Variants in CNTRL observed in about 807,000 individuals in gnomAD.
The protein encoded by CNTRL is centriolin, also known as 110 kDa centrosomal protein.
Under a neutral mutation model 303.7 loss-of-function variants are expected in CNTRL, and 233 were observed. That is an observed-to-expected ratio of 0.77 (90% confidence interval 0.69 to 0.86). CNTRL has a LOEUF of 0.86. Among genes scored for constraint, CNTRL ranks in the 40% least tolerant of loss-of-function variants. The probability of loss-of-function intolerance (pLI) is 0.00; values close to 1 mark genes in which losing one functional copy is unlikely to be tolerated. For synonymous variants in CNTRL, 900 were observed against 922.2 expected, an observed-to-expected ratio of 0.98 and a Z score of 0.44; for missense variants, 2,524 against 2,650.6, an observed-to-expected ratio of 0.95 and a Z score of 1.05.
In CNTRL at chr9:121,171,465, G is replaced by T. The variant is rs745533965; in HGVS notation, c.6334G>T (p.Ala2112Ser). 1.2e-6 allele frequency: 2 copies of T among 1,614,110 alleles called. No individual in the cohort carries two copies. The highest frequency in any genetic ancestry group is 8.5e-7 in the Non-Finnish European group (1 of 1,179,978). The change falls in exon 40 of 44, where the codon GCC becomes TCC. Residue 2112 changes from alanine (A) to serine (S), a missense_variant. Physicochemically the swap from Ala to Ser is moderately conservative, Grantham distance 99. Transcript: ENST00000373855. The part of the protein sequence containing the change: ...QKEMATIELV[A>S]QDNHERARRL... ...GGAAATGGCAACAATTGAACTGGTA[G>T]CCCAGGACAACCATGAGCGGGCCAG... is the stretch of plus-strand genomic sequence containing the variant.
chr9:121,168,322 G>C lies in CNTRL; in HGVS notation c.6070+1G>C, dbSNP rs1371235504. On this transcript the variant is annotated splice_donor_variant, in intron 38 of 43. Coordinates refer to ENST00000373855, the MANE Select transcript of CNTRL (RefSeq NM_007018.6). LOFTEE classifies it high-confidence loss of function. ...CTGGAGAAGACACTCTCCCAAACTA[G>C]TATGTATTCTGGAACTTCTCACTGG... The C allele has an allele frequency of 6.2e-7, 1 of 1,613,212 alleles. No individual in the cohort carries two copies. The highest frequency in any genetic ancestry group is 8.5e-7 in the Non-Finnish European group (1 of 1,179,208).
chr9:121,126,047 G>A (rs1264949857), intron 14 of CNTRL, 111 bp downstream of exon 14: 10 of 785,654 alleles, frequency 1.3e-5, no homozygotes, highest in Admixed American at 2.8e-5. Context: ...AGTATTAGTG[G>A]CTATATGGTG....
intron 32 of CNTRL, among the ~76,000 whole-genome samples, chr9:121,160,876 G>A (rs1307749654): frequency 4.6e-5 from 7 of 152,112 alleles, no homozygotes; most frequent in Admixed American, 2.0e-4. Flanking sequence ...CTATTCAGAA[G>A]GCCAAGCAGG....
intron 1 of CNTRL, among the ~76,000 whole-genome samples, chr9:121,077,545 G>A (rs1444332744): frequency 6.6e-6 from 1 of 152,178 alleles, no homozygotes; most frequent in Non-Finnish European, 1.5e-5. Context: ...TGGCAACCAA[G>A]GGTTTAAGTC....
chr9:121,135,734 A>G, intron 14 of CNTRL, 72 bp from the exon 15 acceptor site: 1 of 1,397,118 alleles, frequency 7.2e-7, no homozygotes, highest in East Asian at 2.4e-5. Context: ...TGCTCAAGTT[A>G]CTTATAATGC....
At chr9:121,143,841 T>C in intron 19 of CNTRL, 62 bp from the exon 20 acceptor site, 1 of 1,357,088 alleles carries the variant, frequency 7.4e-7, no homozygotes, top group Non-Finnish European at 1.0e-6. Context: ...TCCTGGAGCT[T>C]ACATCTGAAT....
In CNTRL at chr9:121,144,855, G is replaced by C; in HGVS notation, c.3064G>C (p.Ala1022Pro). 1 of 1,613,094 alleles carries C rather than the reference G, an allele frequency of 6.2e-7. No homozygotes were observed. The highest frequency in any genetic ancestry group is 8.5e-7 in the Non-Finnish European group (1 of 1,179,802). ...TCTGTCCCAGTAGGAGTTGCAGGAA[G>C]CAGAGAGGTTCAGCAGAAAGGCAGC... is the stretch of plus-strand genomic sequence containing the variant. ...NQERAEELQE[A>P]ERFSRKAAQA... The change falls in exon 21 of 44, where the codon GCA becomes CCA. Residue 1022 changes from alanine (A) to proline (P), a missense_variant. Ala to Pro is a conservative substitution (Grantham distance 27). Coordinates refer to ENST00000373855, the MANE Select transcript of CNTRL (RefSeq NM_007018.6).
intron 2 of CNTRL, among the ~76,000 whole-genome samples, chr9:121,086,633 C>CT (rs60828602): frequency 0.026 from 3,151 of 119,186 alleles, 83 homozygotes; most frequent in Non-Finnish European, 0.039. Flanking sequence ...GCTGGATTTA[C>CT]TTTTTTTTTT....
chr9:121,121,590 G>T lies in CNTRL; in HGVS notation c.1651-2341G>T, dbSNP rs1360158308. The stretch of plus-strand genomic sequence containing the variant: ...AAGATTTGTATTGCTTTTCTCTATT[G>T]GGAAATGTCCTATTGGAAGCAAAAG... On this transcript the variant is annotated intron_variant, in intron 12 of 43. Transcript: ENST00000373855. 2.0e-5 allele frequency among the ~76,000 whole-genome samples: 3 copies of T among 152,300 alleles called. No homozygotes were observed. In the East Asian group the frequency reaches 5.8e-4, roughly 29 times the overall value.
intron 32 of CNTRL, among the ~76,000 whole-genome samples, 175 bp from the exon 33 acceptor site, chr9:121,161,681 T>C: frequency 6.6e-6 from 1 of 152,208 alleles, no homozygotes; most frequent in East Asian, 1.9e-4. Context: ...AAATAGTATT[T>C]AGCGATACTT....
intron 15 of CNTRL, among the ~76,000 whole-genome samples, chr9:121,136,333 C>T (rs888772564): frequency 2.0e-5 from 3 of 151,684 alleles, no homozygotes; most frequent in Non-Finnish European, 4.4e-5. Context: ...TTTTTTGAGA[C>T]AGAGTCTTGC....
chr9:121,150,201 G>A lies in CNTRL; in HGVS notation c.3681G>A (p.Glu1227=). 1 of 1,613,722 alleles carries A rather than the reference G, an allele frequency of 6.2e-7. No homozygotes were observed. The highest frequency in any genetic ancestry group is 8.5e-7 in the Non-Finnish European group (1 of 1,179,756). The part of the protein sequence containing the change: ...DADSGGDSQE[E]SELDDQEEPP... ...ACAGTGGAGGAGATAGTCAGGAAGAGAGTGAGCTGGATGACCAAGAAGAAC... is the reference window on the plus strand; with the variant it reads ...ACAGTGGAGGAGATAGTCAGGAAGAAAGTGAGCTGGATGACCAAGAAGAAC... Residue 1227 remains glutamate, a synonymous_variant, in exon 25 of 44, where the codon GAG becomes GAA. Coordinates refer to ENST00000373855, the MANE Select transcript of CNTRL (RefSeq NM_007018.6).
chr9:121,175,252 A>C, intron 43 of CNTRL, 28 bp downstream of exon 43: 1 of 1,601,810 alleles, frequency 6.2e-7, no homozygotes, highest in Non-Finnish European at 8.6e-7. Flanking sequence ...TTAAAAACAA[A>C]ACAATAGCCT....
chr9:121,158,193 A>G, intron 30 of CNTRL, 84 bp downstream of exon 30: 1 of 1,479,096 alleles, frequency 6.8e-7, no homozygotes, highest in Non-Finnish European at 9.1e-7. Context: ...GTAGAAAAGA[A>G]TAAATGCGGC....
chr9:121,173,586 G>C (rs1488797915), intron 41 of CNTRL, 77 bp downstream of exon 41: 2 of 1,609,482 alleles, frequency 1.2e-6, no homozygotes, highest in Non-Finnish European at 1.7e-6. Context: ...ACAGATGTGG[G>C]GGTGCTGGGG....
chr9:121,148,037 C>T (rs1271101144), intron 23 of CNTRL, among the ~76,000 whole-genome samples: 1 of 152,138 alleles, frequency 6.6e-6, no homozygotes, highest in East Asian at 1.9e-4. Context: ...TTTCCTTTGC[C>T]TCAGTCACTG....
chr9:121,145,144 G>A, intron 21 of CNTRL, 100 bp from the exon 22 acceptor site: 1 of 1,377,822 alleles, frequency 7.3e-7, no homozygotes. Flanking sequence ...CACTGGGAAA[G>A]TGTAAATAAA....
intron 26 of CNTRL, among the ~76,000 whole-genome samples, chr9:121,154,067 T>C (rs2052432550): frequency 6.6e-6 from 1 of 152,218 alleles, no homozygotes; most frequent in African/African-American, 2.4e-5. Context: ...TTCTAGGAAG[T>C]TTGGATAACA....
intron 14 of CNTRL, among the ~76,000 whole-genome samples, chr9:121,133,735 G>A (rs773152660): frequency 4.6e-5 from 7 of 152,176 alleles, no homozygotes; most frequent in Non-Finnish European, 7.3e-5. Context: ...CGTCTGCGTC[G>A]ATCACGCTGG....
Sources: allele counts gnomAD v4.1 joint callset (sites outside exome capture counted in the v4.1 genomes callset), GRCh38; gene constraint gnomAD v4.1.1; transcripts MANE v1.5; gene names NCBI Gene and HGNC (gene_info 2026-07-23, HGNC 2026-07-21).